Variants in NUP210 observed in about 807,000 individuals in gnomAD.
NUP210 encodes nucleoporin 210.
In NUP210, 151 loss-of-function variants were observed where a neutral mutation model predicts 196.0. The observed-to-expected ratio is 0.77, with a 90% CI of 0.67 to 0.88. The LOEUF (loss-of-function observed/expected upper bound fraction) is 0.88. Among genes scored for constraint, NUP210 ranks in the 40% least tolerant of loss-of-function variants. NUP210 has a pLI of 0.00. For missense variants in NUP210, 2,314 were observed against 2,493.7 expected (o/e 0.93, Z 1.53); for synonymous variants, 1,070 against 1,052.7 (o/e 1.02, Z -0.32).
intron 4 of NUP210, among the ~76,000 whole-genome samples, 189 bp from the exon 5 acceptor site, chr3:13,388,642 G>A (rs558257810): frequency 6.6e-6 from 1 of 152,358 alleles, no homozygotes; most frequent in African/African-American, 2.4e-5. Context: ...AACTGCCAAA[G>A]TCCTTGTGAA....
chr3:13,321,968 G>T (rs1696549007), intron 35 of NUP210, 133 bp from the exon 36 acceptor site: 3 of 1,321,952 alleles, frequency 2.3e-6, no homozygotes, highest in African/African-American at 2.9e-5. Context: ...CCTCCTCCAG[G>T]AGTCCTCCTG....
chr3:13,361,246 T>C (rs1257875787), intron 14 of NUP210, among the ~76,000 whole-genome samples: 1 of 152,224 alleles, frequency 6.6e-6, no homozygotes, highest in East Asian at 1.9e-4. Context: ...GCCTGGCACA[T>C]AGCGGGTGCT....
intron 1 of NUP210, among the ~76,000 whole-genome samples, chr3:13,404,368 CT>C (rs1553604700): frequency 6.6e-6 from 1 of 152,122 alleles, no homozygotes; most frequent in Non-Finnish European, 1.5e-5. Context: ...GAGGAATTCA[CT>C]TTTATTCAGA....
intron 21 of NUP210, 60 bp downstream of exon 21, chr3:13,343,115 C>T (rs905245077): frequency 6.3e-7 from 1 of 1,595,914 alleles, no homozygotes; most frequent in Non-Finnish European, 8.6e-7. Context: ...TCCCACAGTC[C>T]CCTCCCTCCC....
intron 28 of NUP210, 140 bp from the exon 29 acceptor site, chr3:13,332,524 T>G: frequency 1.5e-6 from 1 of 662,994 alleles, no homozygotes; most frequent in Admixed American, 2.3e-5. Flanking sequence ...AGGTCACTGA[T>G]GACATGATGT....
At chr3:13,368,917 C>G (rs961123372) in intron 13 of NUP210, among the ~76,000 whole-genome samples, 15 of 152,312 alleles carry the variant, frequency 9.8e-5, no homozygotes, top group African/African-American at 3.6e-4. Context: ...TCTTTCGGAT[C>G]GTACTTTCAA....
intron 14 of NUP210, among the ~76,000 whole-genome samples, chr3:13,365,215 C>G (rs1253159208): frequency 6.6e-6 from 1 of 152,206 alleles, no homozygotes; most frequent in African/African-American, 2.4e-5. Context: ...TGTATAATAA[C>G]TAACCCTTCC....
intron 13 of NUP210, among the ~76,000 whole-genome samples, chr3:13,367,055 G>A (rs1698563047): frequency 6.6e-6 from 1 of 152,080 alleles, no homozygotes; most frequent in African/African-American, 2.4e-5. Flanking sequence ...GAACCCAGGA[G>A]GCAGAGGTTG....
chr3:13,354,019 C>T lies in NUP210; in HGVS notation c.2417G>A (p.Ser806Asn). ...TGGCCTGGTGGACTCCCACTGGATGCTCAGAGAGCTGAAGTTGTCGAACCG... is the reference window on the plus strand; with the variant it reads ...TGGCCTGGTGGACTCCCACTGGATGTTCAGAGAGCTGAAGTTGTCGAACCG... ...GRRFDNFSSL[S>N]IQWESTRPVL... Residue 806 changes from serine (S) to asparagine (N), a missense_variant, in exon 17 of 40, where the codon AGC becomes AAC. Transcript: ENST00000254508. 1 of 1,609,220 alleles carries T rather than the reference C, an allele frequency of 6.2e-7. No individual in the cohort carries two copies. Among genetic ancestry groups the T allele is most frequent in the Non-Finnish European group, 8.5e-7 (1 of 1,177,890 alleles).
At chr3:13,359,589 C>G (rs752640429) in intron 15 of NUP210, among the ~76,000 whole-genome samples, 1 of 152,210 alleles carries the variant, frequency 6.6e-6, no homozygotes, top group Admixed American at 6.5e-5. Flanking sequence ...GGCTCTCTCC[C>G]ATCTTCCTGA....
chr3:13,400,607 G>T (rs1458752681), intron 1 of NUP210, among the ~76,000 whole-genome samples: 1 of 152,228 alleles, frequency 6.6e-6, no homozygotes, highest in Non-Finnish European at 1.5e-5. Flanking sequence ...AGAGGCAGAG[G>T]ACAGCAGACT....
chr3:13,343,715 T>A (rs2124865331), intron 20 of NUP210, among the ~76,000 whole-genome samples: 1 of 152,362 alleles, frequency 6.6e-6, no homozygotes, highest in African/African-American at 2.4e-5. Flanking sequence ...CATCCTGAGC[T>A]GGCCACCTGC....
chr3:13,318,457 C>G (rs1322153816), intron 39 of NUP210, among the ~76,000 whole-genome samples: 1 of 152,172 alleles, frequency 6.6e-6, no homozygotes, highest in African/African-American at 2.4e-5. Context: ...CCATGGGCCC[C>G]CATGTCAGCA....
chr3:13,339,797 G>A (rs1697384562), intron 25 of NUP210, 57 bp downstream of exon 25: 1 of 1,488,686 alleles, frequency 6.7e-7, no homozygotes, highest in African/African-American at 1.4e-5. Context: ...CTCAAACACA[G>A]TAAAGAGGCT....
chr3:13,345,287 C>T (rs1326670609), intron 20 of NUP210: 1 of 937,648 alleles, frequency 1.1e-6, no homozygotes, highest in Non-Finnish European at 1.3e-6. Context: ...GATTCTGGTC[C>T]AACCACTTCA....
In NUP210 at chr3:13,352,635, A is replaced by C. The variant is rs565896546; in HGVS notation, c.2629-451T>G. The stretch of plus-strand genomic sequence containing the variant: ...CCCTAGGGTGGCACATGACCCACTG[A>C]GCTCTGCTTCCCACCATGTGTCACA... On this transcript the variant is annotated intron_variant, in intron 18 of 39. Transcript: ENST00000254508. Among the ~76,000 whole-genome samples, 313 of 152,302 alleles carry C rather than the reference A, an allele frequency of 2.1e-3. 2 individuals carry two copies. The highest frequency in any genetic ancestry group is 7.4e-3 in the African/African-American group (307 of 41,570).
chr3:13,322,155 T>A (rs1334306397), intron 35 of NUP210, 38 bp downstream of exon 35: 12 of 1,610,716 alleles, frequency 7.5e-6, no homozygotes, highest in Non-Finnish European at 1.0e-5. Context: ...ACAGAGACTG[T>A]CTCCAAGTCC....
At chr3:13,339,757 C>G in intron 25 of NUP210, 97 bp downstream of exon 25, 1 of 1,164,594 alleles carries the variant, frequency 8.6e-7, no homozygotes, top group Non-Finnish European at 1.3e-6. Context: ...AAGCAGCACC[C>G]TTGGAGAGGG....
intron 1 of NUP210, among the ~76,000 whole-genome samples, chr3:13,414,394 G>A (rs186939609): frequency 8.2e-4 from 125 of 152,334 alleles, no homozygotes; most frequent in African/African-American, 2.9e-3. Flanking sequence ...TCCCTGCTGC[G>A]GGCCTGGTGA....
Sources: gnomAD v4.1 joint callset for allele counts (sites outside exome capture counted in the v4.1 genomes callset) on GRCh38, gnomAD v4.1.1 for gene constraint, MANE v1.5 for transcripts, NCBI Gene and HGNC (gene_info 2026-07-23, HGNC 2026-07-21) for gene names.